The following FGF13 variants were observed in gnomAD, a reference collection of about 807,000 sequenced individuals.
The protein encoded by FGF13 is fibroblast growth factor homologous factor 2.
A neutral mutation model predicts 19.5 loss-of-function variants in FGF13; 2 were observed. The ratio of observed to expected loss-of-function variants is 0.10; its 90% CI spans 0.04 to 0.32. The LOEUF (loss-of-function observed/expected upper bound fraction) is 0.32. Ranked by LOEUF, FGF13 falls within the 10% of genes least tolerant of loss-of-function variation. The pLI, the probability that FGF13 is intolerant of heterozygous loss-of-function variation, is 1.00. For missense variants in FGF13, 113 were observed against 192.7 expected (o/e 0.59, Z 2.45); for synonymous variants, 72 against 76.9 (o/e 0.94, Z 0.33).
intron 1 of FGF13, among the ~76,000 whole-genome samples, chrX:139,031,546 C>G (rs1366202857): frequency 9.0e-6 from 1 of 110,708 alleles, no homozygotes; most frequent in Non-Finnish European, 1.9e-5. Context: ...GATAAGAAAA[C>G]TGAGACTCTG....
At position 138,746,945 on chromosome X, in the gene FGF13, G is replaced by T. The variant is rs977969367; in HGVS notation, c.218-38017C>A. ...TAGGGCACTCTACCCTGGGCTGTAAGCAAAGCCTCTATTTGAAAGGTATCA... is the reference window on the plus strand; with the variant it reads ...TAGGGCACTCTACCCTGGGCTGTAATCAAAGCCTCTATTTGAAAGGTATCA... On this transcript the variant is annotated intron_variant, in intron 3 of 6. Coordinates refer to the FGF13 transcript ENST00000436198. 3.6e-5 allele frequency among the ~76,000 whole-genome samples: 4 copies of T among 111,426 alleles called. No homozygotes were observed. In the Admixed American group the frequency reaches 3.8e-4, roughly 11 times the overall value.
At chrX:138,709,436 A>G (rs994179350) in intron 1 of FGF13, among the ~76,000 whole-genome samples, 1 of 112,137 alleles carries the variant, frequency 8.9e-6, no homozygotes, top group African/African-American at 3.2e-5. Context: ...GTGGAACCCC[A>G]TTAAGGAAAC....
intron 3 of FGF13, among the ~76,000 whole-genome samples, chrX:138,823,233 G>T (rs2124070272): frequency 1.8e-5 from 2 of 111,414 alleles, no homozygotes; most frequent in Non-Finnish European, 3.8e-5. Context: ...GGGCAGTGGG[G>T]CTATGGTGAG....
At chrX:138,726,684 T>C (rs1264614234) in intron 1 of FGF13, among the ~76,000 whole-genome samples, 1 of 112,120 alleles carries the variant, frequency 8.9e-6, no homozygotes, top group Non-Finnish European at 1.9e-5. Flanking sequence ...GCCTCCCATC[T>C]CCTCAGCTTG....
In FGF13 at chrX:138,711,300, C is replaced by G. The variant is rs2090044526; in HGVS notation, c.-297G>C. On this transcript the variant is annotated 5_prime_UTR_variant, in exon 1 of 5. Coordinates refer to ENST00000315930, the MANE Select transcript of FGF13 (RefSeq NM_004114.5). ...GCGAGACTGGCACGCGGATGCTGAA[C>G]TGCGCGACTGCGTGTGGTCGGCCCC... 1 of 904,322 alleles carries G rather than the reference C, an allele frequency of 1.1e-6. No homozygotes were observed. The highest frequency in any genetic ancestry group is 2.1e-5 in the African/African-American group (1 of 46,568). The allele number at this position is 904,322 out of a possible 1,213,427, so 74.5% of individuals were successfully genotyped here.
At chrX:138,646,668 A>G (rs1405261513) in intron 3 of FGF13, among the ~76,000 whole-genome samples, 2 of 112,054 alleles carry the variant, frequency 1.8e-5, no homozygotes, top group African/African-American at 6.5e-5. Context: ...TGGGTTTTTT[A>G]TTTCCAGTGA....
intron 1 of FGF13, among the ~76,000 whole-genome samples, chrX:139,111,629 T>C (rs1012686716): frequency 2.6e-4 from 29 of 111,599 alleles, no homozygotes; most frequent in Non-Finnish European, 4.5e-4. Flanking sequence ...CCACAGAAAA[T>C]GTCCCCAATG....
chrX:139,155,934 T>G (rs1262726487), intron 1 of FGF13, among the ~76,000 whole-genome samples: 1 of 111,977 alleles, frequency 8.9e-6, no homozygotes, highest in Non-Finnish European at 1.9e-5. Flanking sequence ...GGCCACCTCC[T>G]GGTAAAAGCT....
intron 1 of FGF13, among the ~76,000 whole-genome samples, chrX:139,120,409 G>T (rs1280780070): frequency 9.0e-6 from 1 of 111,550 alleles, no homozygotes; most frequent in African/African-American, 3.3e-5. Flanking sequence ...CATGGGGTAG[G>T]TACCATAATT....
intron 1 of FGF13, among the ~76,000 whole-genome samples, chrX:138,979,696 T>C (rs758801001): frequency 4.1e-4 from 46 of 111,181 alleles, no homozygotes; most frequent in Non-Finnish European, 8.5e-4. Flanking sequence ...CAGAGACTCC[T>C]GAAAAAGAGT....
chrX:138,790,085 CAT>C (rs1286442437), intron 3 of FGF13, among the ~76,000 whole-genome samples: 2 of 93,119 alleles, frequency 2.1e-5, no homozygotes, highest in African/African-American at 7.9e-5. Flanking sequence ...CACACACACA[CAT>C]GCTGGCACCA....
chrX:139,045,460 C>T lies in FGF13; in HGVS notation c.-113+157956G>A, dbSNP rs375961086. Reference sequence around the variant, plus strand: ...TCTAGCAAGTGGCCTGCTAGAATACCTCTCCCTAAAGAGCTTTTTCTTTCT... The same window carrying T: ...TCTAGCAAGTGGCCTGCTAGAATACTTCTCCCTAAAGAGCTTTTTCTTTCT... On this transcript the variant is annotated intron_variant, in intron 1 of 2. Transcript: ENST00000421460. Among the ~76,000 whole-genome samples the T allele has an allele frequency of 1.1e-4, 12 of 112,563 alleles. No individual in the cohort carries two copies. The East Asian group carries it at 3.4e-3, about 32-fold the overall frequency.
At chrX:138,855,592 G>T (rs2091252617), downstream of FGF13, among the ~76,000 whole-genome samples, 1 of 111,583 alleles carries the variant, frequency 9.0e-6, no homozygotes, top group African/African-American at 3.3e-5. Context: ...TGAAAGGATG[G>T]CAGCCCCATT....
intron 3 of FGF13, among the ~76,000 whole-genome samples, chrX:138,686,653 C>A (rs769043094): frequency 1.8e-5 from 2 of 111,554 alleles, no homozygotes; most frequent in East Asian, 2.8e-4. Context: ...GGTAGAATTT[C>A]TTGTATTACT....
intron 1 of FGF13, among the ~76,000 whole-genome samples, chrX:139,097,772 G>A (rs1185301907): frequency 9.0e-6 from 1 of 111,547 alleles, no homozygotes; most frequent in Non-Finnish European, 1.9e-5. Flanking sequence ...AAACAATGGA[G>A]TAAATGGCAT....
At position 138,621,732 on chromosome X, in the gene FGF13, A is replaced by AAAC. The variant is rs1369012918; in HGVS notation, c.*11115_*11117dup. 1 of 111,591 alleles carries AAAC rather than the reference A, an allele frequency of 9.0e-6. No homozygotes were observed. Among genetic ancestry groups the AAAC allele is most frequent in the African/African-American group, 3.3e-5 (1 of 30,764 alleles). 9.2% of individuals were successfully genotyped at this position (111,591 alleles called of 1,213,427 possible). A position where few individuals can be genotyped will look rare whatever the true frequency, so the allele number is the denominator to read the frequency against. ...ACTGAGAGTGAAAGAGAAAAGACAT[A>AAAC]AACAAATAAAATCAGAAATGAAAGA... On this transcript the variant is annotated 3_prime_UTR_variant, in exon 5 of 5. Transcript: ENST00000315930.
At chrX:138,963,248 A>T (rs112689704) in intron 1 of FGF13, among the ~76,000 whole-genome samples, 1 of 113,213 alleles carries the variant, frequency 8.8e-6, no homozygotes, top group African/African-American at 3.2e-5. Context: ...CCATTCCCAC[A>T]GGTGGACAGC....
intron 1 of FGF13, among the ~76,000 whole-genome samples, chrX:139,116,644 A>C (rs1348093792): frequency 9.0e-6 from 1 of 111,488 alleles, no homozygotes; most frequent in African/African-American, 3.3e-5. Context: ...TGAAGGTTGA[A>C]TCCTGCTCCT....
intron 1 of FGF13, among the ~76,000 whole-genome samples, chrX:138,870,830 G>T (rs1293047571): frequency 8.9e-6 from 1 of 112,388 alleles, no homozygotes; most frequent in Non-Finnish European, 1.9e-5. Context: ...GTCTCTAGAA[G>T]CCAGGGATGG....
Sources: allele counts gnomAD v4.1 joint callset (sites outside exome capture counted in the v4.1 genomes callset), GRCh38; gene constraint gnomAD v4.1.1; transcripts MANE v1.5; gene names NCBI Gene and HGNC (gene_info 2026-07-23, HGNC 2026-07-21).